Variants in ADAM10 observed in about 807,000 individuals in gnomAD.
ADAM10 encodes disintegrin and metalloproteinase domain-containing protein 10.
ADAM10 carries 17 observed loss-of-function variants against 90.1 expected under a neutral mutation model. That is an observed-to-expected ratio of 0.19 (90% CI 0.13 to 0.28). ADAM10 has a LOEUF of 0.28. ADAM10 is among the 10% of genes least tolerant of loss of function. The pLI, the probability that ADAM10 is intolerant of heterozygous loss-of-function variation, is 1.00. For synonymous variants in ADAM10, 310 were observed against 298.6 expected, an observed-to-expected ratio of 1.04 and a Z score of -0.40; for missense variants, 610 against 914.3, an observed-to-expected ratio of 0.67 and a Z score of 4.29.
intron 9 of ADAM10, among the ~76,000 whole-genome samples, chr15:58,628,365 AG>A (rs1896006807): frequency 6.6e-6 from 1 of 152,222 alleles, no homozygotes; most frequent in Non-Finnish European, 1.5e-5. Context: ...CTAACTTAAT[AG>A]CCAATATATA....
chr15:58,663,169 A>G (rs1897008873), intron 5 of ADAM10, among the ~76,000 whole-genome samples: 1 of 152,250 alleles, frequency 6.6e-6, no homozygotes, highest in Non-Finnish European at 1.5e-5. Flanking sequence ...TTTTCATTTT[A>G]GACATTTAAA....
intron 2 of ADAM10, among the ~76,000 whole-genome samples, chr15:58,700,887 T>C: frequency 6.6e-6 from 1 of 151,294 alleles, no homozygotes; most frequent in Non-Finnish European, 1.5e-5. Flanking sequence ...GCCCTGTAGT[T>C]CTAGTTACTT....
chr15:58,693,452 T>A (rs1260268708), intron 2 of ADAM10, among the ~76,000 whole-genome samples: 1 of 152,168 alleles, frequency 6.6e-6, no homozygotes, highest in Non-Finnish European at 1.5e-5. Context: ...AATATATAAA[T>A]AGGTCTCAAC....
At chr15:58,667,342 G>C (rs2140731798) in intron 4 of ADAM10, among the ~76,000 whole-genome samples, 1 of 152,206 alleles carries the variant, frequency 6.6e-6, no homozygotes, top group Non-Finnish European at 1.5e-5. Flanking sequence ...ACTCTTTCAA[G>C]GAGGAATATT....
intron 2 of ADAM10, chr15:58,692,189 G>A (rs1321710690): frequency 1.8e-6 from 1 of 560,480 alleles, no homozygotes; most frequent in Non-Finnish European, 3.6e-6. Flanking sequence ...AGGTCAAAGG[G>A]AGCCTGATGA....
intron 2 of ADAM10, chr15:58,691,394 C>G: frequency 1.3e-6 from 1 of 771,868 alleles, no homozygotes; most frequent in Non-Finnish European, 2.3e-6. Flanking sequence ...TCCACTCTTG[C>G]TCCACAAAAG....
chr15:58,698,473 G>T (rs1041237171), intron 2 of ADAM10: 1 of 268,932 alleles, frequency 3.7e-6, no homozygotes, highest in African/African-American at 2.4e-5. Context: ...CTACTCAGGT[G>T]GTTGAGGTGG....
chr15:58,709,331 G>T (rs1898400158), intron 2 of ADAM10, among the ~76,000 whole-genome samples: 1 of 152,112 alleles, frequency 6.6e-6, no homozygotes, highest in Non-Finnish European at 1.5e-5. Flanking sequence ...AAACATTTTA[G>T]CATGAAATAT....
At chr15:58,735,864 G>T (rs1899414726) in intron 1 of ADAM10, among the ~76,000 whole-genome samples, 1 of 152,040 alleles carries the variant, frequency 6.6e-6, no homozygotes, top group South Asian at 2.1e-4. Flanking sequence ...ATTTATCTAT[G>T]AAAAAACTGA....
chr15:58,640,954 T>C lies in ADAM10; in HGVS notation c.835A>G (p.Thr279Ala). 2 of 1,613,824 alleles carry C rather than the reference T, an allele frequency of 1.2e-6. No homozygotes were observed. Among genetic ancestry groups the C allele is most frequent in the Non-Finnish European group, 1.7e-6 (2 of 1,179,696 alleles). The change falls in exon 8 of 16, where the codon ACA (threonine) becomes GCA (alanine). Residue 279 changes from threonine to alanine, a missense_variant. By Grantham distance (58) the Thr-to-Ala change is moderately conservative (BLOSUM62 0). This residue lies in a region of ADAM10 where 310 missense variants were observed against 362.4 expected (regional missense o/e 0.86). Transcript: ENST00000260408. ...SFMVKRIRIN[T>A]TADEKDPTNP... ...GTAGGGTCCTTCTCATCAGCAGTTG[T>C]ATTGATCTAAAATCCAAAACAATAA... is the stretch of plus-strand genomic sequence containing the variant.
intron 2 of ADAM10, among the ~76,000 whole-genome samples, chr15:58,684,773 G>A (rs1351474586): frequency 6.6e-6 from 1 of 152,182 alleles, no homozygotes; most frequent in Non-Finnish European, 1.5e-5. Flanking sequence ...TTTATAGCAG[G>A]TGGTCCGAAG....
rs1894776035 is a variant in ADAM10 at position 58,589,219 on chromosome 15, G to C, written c.*8328C>G. 1 of 152,204 alleles carries C rather than the reference G, an allele frequency of 6.6e-6. No homozygotes were observed. Among genetic ancestry groups the C allele is most frequent in the South Asian group, 2.1e-4 (1 of 4,826 alleles). 9.4% of individuals were successfully genotyped at this position (152,204 alleles called of 1,614,324 possible). On this transcript the variant is annotated 3_prime_UTR_variant, in exon 16 of 16. Transcript: ENST00000260408. ...ATTAATAAAGCCCAGTCCTGCAGAGGAATCGAGGGAAAGGGCAATCCAGGG... is the reference window on the plus strand; with the variant it reads ...ATTAATAAAGCCCAGTCCTGCAGAGCAATCGAGGGAAAGGGCAATCCAGGG...
intron 6 of ADAM10, among the ~76,000 whole-genome samples, 195 bp downstream of exon 6, chr15:58,645,860 C>A (rs1271042131): frequency 6.6e-6 from 1 of 151,552 alleles, no homozygotes; most frequent in East Asian, 1.9e-4. Flanking sequence ...TGTCTTACCC[C>A]TCTCTTTTGA....
chr15:58,646,306 A>G (rs1039804581), intron 5 of ADAM10, 102 bp from the exon 6 acceptor site: 75 of 1,181,376 alleles, frequency 6.3e-5, no homozygotes, highest in Middle Eastern at 2.7e-4. Flanking sequence ...TCTGCTTTAT[A>G]TAACACCATA....
chr15:58,658,940 T>C (rs929010905), intron 5 of ADAM10, among the ~76,000 whole-genome samples: 1 of 152,170 alleles, frequency 6.6e-6, no homozygotes, highest in Non-Finnish European at 1.5e-5. Flanking sequence ...TCTTGCCTTA[T>C]TATGGTGGCT....
intron 2 of ADAM10, among the ~76,000 whole-genome samples, chr15:58,687,946 G>A (rs1897652150): frequency 1.3e-5 from 2 of 152,170 alleles, no homozygotes; most frequent in African/African-American, 2.4e-5. Flanking sequence ...AAGGGAGTCT[G>A]GTGATGCTAC....
At chr15:58,688,765 A>ATTAT (rs1566995630) in intron 2 of ADAM10, among the ~76,000 whole-genome samples, 1 of 97,506 alleles carries the variant, frequency 1.0e-5, no homozygotes, top group Non-Finnish European at 1.8e-5. Context: ...GAAAAAAAAA[A>ATTAT]TTATATATAT....
chr15:58,702,827 G>A (rs1898171438), intron 2 of ADAM10, among the ~76,000 whole-genome samples: 1 of 152,186 alleles, frequency 6.6e-6, no homozygotes, highest in East Asian at 1.9e-4. Context: ...AACAGAAGAA[G>A]GAATGAGGGA....
chr15:58,601,938 A>G (rs79393255), intron 14 of ADAM10, among the ~76,000 whole-genome samples: 5,560 of 152,286 alleles, frequency 0.037, 119 homozygotes, highest in African/African-American at 0.066. Context: ...CATCCTATCA[A>G]GTAACACGTG....
Sources: allele counts gnomAD v4.1 joint callset (sites outside exome capture counted in the v4.1 genomes callset), GRCh38; gene constraint gnomAD v4.1.1; regional missense constraint gnomAD v4.1.1; transcripts MANE v1.5; gene names NCBI Gene and HGNC (gene_info 2026-07-23, HGNC 2026-07-21).